TBC1D22A: variants seen among roughly 807,000 people sequenced by gnomAD.
The protein encoded by TBC1D22A is putative GTPase activator.
A neutral mutation model predicts 60.2 loss-of-function variants in TBC1D22A; 38 were observed. The observed-to-expected ratio is 0.63, with a 90% CI of 0.49 to 0.83. The LOEUF (loss-of-function observed/expected upper bound fraction) is 0.83. Ranked by LOEUF, TBC1D22A falls within the 40% of genes least tolerant of loss-of-function variation. The pLI is 0.00. For missense variants in TBC1D22A, 628 were observed against 701.0 expected, an observed-to-expected ratio of 0.90 and a Z score of 1.18; for synonymous variants, 302 against 281.7, an observed-to-expected ratio of 1.07 and a Z score of -0.72.
intron 4 of TBC1D22A, among the ~76,000 whole-genome samples, chr22:46,818,408 CT>C (rs2085690629): frequency 6.6e-6 from 1 of 152,156 alleles, no homozygotes; most frequent in East Asian, 1.9e-4. Context: ...TTTAAGCCAT[CT>C]TGAGTTAATT....
intron 1 of TBC1D22A, among the ~76,000 whole-genome samples, chr22:46,788,197 A>C (rs549315705): frequency 6.6e-4 from 100 of 152,072 alleles, no homozygotes; most frequent in African/African-American, 2.3e-3. Context: ...CGGCCTCCCA[A>C]AGTGCTGGGA....
intron 4 of TBC1D22A, among the ~76,000 whole-genome samples, chr22:46,840,106 A>G (rs541455902): frequency 5.9e-5 from 9 of 152,346 alleles, no homozygotes; most frequent in African/African-American, 1.9e-4. Flanking sequence ...GGATTGCATC[A>G]AATTAAAAAG....
chr22:47,155,384 A>G (rs571108433), intron 12 of TBC1D22A, among the ~76,000 whole-genome samples: 14 of 151,962 alleles, frequency 9.2e-5, no homozygotes, highest in Non-Finnish European at 1.5e-4. Flanking sequence ...CTGTCTTTTT[A>G]TTTTTAGCCC....
rs1410281417 is a variant in TBC1D22A at position 47,175,211 on chromosome 22, A to T, written c.*1585A>T. 1 of 152,274 alleles carries T rather than the reference A, an allele frequency of 6.6e-6. No homozygotes were observed. The highest frequency in any genetic ancestry group is 1.5e-5 in the Non-Finnish European group (1 of 68,082). 9.4% of individuals were successfully genotyped at this position (152,274 alleles called of 1,614,324 possible). ...CTGTGCAAACGTCAGATGCTCCCAA[A>T]CCAGCAAAGGGATGGGCTTGCTTCA... is the stretch of plus-strand genomic sequence containing the variant. On this transcript the variant is annotated 3_prime_UTR_variant, in exon 13 of 13. Coordinates refer to ENST00000337137, the MANE Select transcript of TBC1D22A (RefSeq NM_014346.5).
chr22:47,087,607 A>G (rs544009489), intron 11 of TBC1D22A, among the ~76,000 whole-genome samples: 16 of 152,378 alleles, frequency 1.1e-4, no homozygotes, highest in African/African-American at 3.6e-4. Context: ...GTTTGAAACT[A>G]TGACTTATAT....
chr22:46,784,661 T>A (rs1312845646), intron 1 of TBC1D22A, among the ~76,000 whole-genome samples: 1 of 152,256 alleles, frequency 6.6e-6, no homozygotes, highest in Non-Finnish European at 1.5e-5. Flanking sequence ...GACTTTTTTT[T>A]TAAAAAGGAC....
chr22:46,974,363 C>G lies in TBC1D22A; in HGVS notation c.1089C>G (p.Thr363=). Residue 363 remains threonine (T), a synonymous_variant, in exon 9 of 13, where the codon ACC becomes ACG. Coordinates refer to ENST00000337137, the MANE Select transcript of TBC1D22A (RefSeq NM_014346.5). ...TGCTGTGCAACATCGAGGCCGACAC[C>G]TACTGGTGCATGAGCAAGCTGCTGG... is the stretch of plus-strand genomic sequence containing the variant. ...AEVLCNIEAD[T]YWCMSKLLDG... 1.9e-6 allele frequency: 3 copies of G among 1,611,494 alleles called. No individual in the cohort carries two copies. The highest frequency in any genetic ancestry group is 1.7e-6 in the Non-Finnish European group (2 of 1,179,078).
chr22:46,976,417 C>T (rs976961840), intron 9 of TBC1D22A, among the ~76,000 whole-genome samples: 12 of 152,204 alleles, frequency 7.9e-5, no homozygotes, highest in Non-Finnish European at 1.3e-4. Context: ...TCCCACCATC[C>T]AGGGGACTTG....
At chr22:46,860,699 C>G (rs577876704) in intron 4 of TBC1D22A, among the ~76,000 whole-genome samples, 35 of 152,366 alleles carry the variant, frequency 2.3e-4, no homozygotes, top group Admixed American at 3.3e-4. Flanking sequence ...CTTCCTGGCT[C>G]TGGCGTGGCC....
At chr22:46,791,033 CG>C (rs1175934603) in intron 1 of TBC1D22A, among the ~76,000 whole-genome samples, 2 of 151,910 alleles carry the variant, frequency 1.3e-5, no homozygotes, top group African/African-American at 4.8e-5. Flanking sequence ...AGCGATCATC[CG>C]GCCATTTTTT....
intron 4 of TBC1D22A, among the ~76,000 whole-genome samples, chr22:46,872,426 C>T (rs191129923): frequency 6.8e-4 from 104 of 152,232 alleles, no homozygotes; most frequent in Non-Finnish European, 1.3e-3. Context: ...AATATATTAG[C>T]AAATTGACTT....
At chr22:46,862,838 G>A (rs1051321764) in intron 4 of TBC1D22A, among the ~76,000 whole-genome samples, 13 of 152,286 alleles carry the variant, frequency 8.5e-5, no homozygotes, top group Admixed American at 7.8e-4. Flanking sequence ...CTGATTCTGG[G>A]GTGCAGGACT....
At chr22:47,122,798 T>G (rs1273137089) in intron 12 of TBC1D22A, among the ~76,000 whole-genome samples, 1 of 152,216 alleles carries the variant, frequency 6.6e-6, no homozygotes, top group Non-Finnish European at 1.5e-5. Flanking sequence ...TCCCCTGGCC[T>G]CGGAAGCTGG....
At chr22:46,790,392 C>T (rs926897787) in intron 1 of TBC1D22A, among the ~76,000 whole-genome samples, 11 of 152,188 alleles carry the variant, frequency 7.2e-5, no homozygotes, top group South Asian at 4.1e-4. Context: ...CCACCTCATT[C>T]GTATTCTTAA....
At chr22:46,965,519 G>A (rs548798344) in intron 8 of TBC1D22A, among the ~76,000 whole-genome samples, 7 of 152,242 alleles carry the variant, frequency 4.6e-5, no homozygotes, top group Non-Finnish European at 8.8e-5. Context: ...GAATGCATTC[G>A]TCATCTCCGG....
Position 46,845,329 on chromosome 22 carries a change from A to G in TBC1D22A, c.638-33324A>G, listed in dbSNP as rs145154991. 4.1e-3 allele frequency among the ~76,000 whole-genome samples: 623 copies of G among 152,326 alleles called. 2 individuals are homozygous for G. Among genetic ancestry groups the G allele is most frequent in the Non-Finnish European group, 5.9e-3 (403 of 68,024 alleles). ...TTTCAGTCTTCTACATGGATCCTGA[A>G]TAAGTCTTTTGTTCCATGGAGAAGA... On this transcript the variant is annotated intron_variant, in intron 4 of 12. Transcript: ENST00000337137.
intron 4 of TBC1D22A, among the ~76,000 whole-genome samples, chr22:46,829,409 A>G (rs1021737020): frequency 6.6e-6 from 1 of 152,144 alleles, no homozygotes; most frequent in Non-Finnish European, 1.5e-5. Flanking sequence ...TTTGTGAGGG[A>G]TGGTCCTGTT....
chr22:46,840,551 A>G (rs2086707374), intron 4 of TBC1D22A, among the ~76,000 whole-genome samples: 1 of 152,036 alleles, frequency 6.6e-6, no homozygotes, highest in Admixed American at 6.6e-5. Flanking sequence ...TGGCCAACAT[A>G]GTGAAACCCT....
intron 10 of TBC1D22A, among the ~76,000 whole-genome samples, chr22:47,015,166 G>A (rs952110402): frequency 3.3e-5 from 5 of 152,242 alleles, no homozygotes; most frequent in African/African-American, 1.2e-4. Flanking sequence ...CACCCAGCAA[G>A]TGATAGTGTG....
Sources: gnomAD v4.1 joint callset for allele counts (sites outside exome capture counted in the v4.1 genomes callset) on GRCh38, gnomAD v4.1.1 for gene constraint, MANE v1.5 for transcripts, NCBI Gene and HGNC (gene_info 2026-07-23, HGNC 2026-07-21) for gene names.